The following FARP2 variants were observed in gnomAD, a reference collection of about 807,000 sequenced individuals.
FARP2 encodes the protein FERM, ARH/RhoGEF and pleckstrin domain protein 2, also known as FERM, ARHGEF and pleckstrin domain-containing protein 2.
A neutral mutation model predicts 130.5 loss-of-function variants in FARP2; 111 were observed. The ratio of observed to expected loss-of-function variants is 0.85; its 90% CI spans 0.73 to 1.00. FARP2 has a LOEUF of 1.00. FARP2 is among the 50% of genes least tolerant of loss of function. The pLI, the probability that FARP2 is intolerant of heterozygous loss-of-function variation, is 0.00. For synonymous variants in FARP2, 504 were observed against 516.9 expected, an observed-to-expected ratio of 0.98 and a Z score of 0.34; for missense variants, 1,385 against 1,346.3, an observed-to-expected ratio of 1.03 and a Z score of -0.45.
chr2:241,373,524 C>G (rs1361743943), intron 2 of FARP2, among the ~76,000 whole-genome samples: 1 of 152,214 alleles, frequency 6.6e-6, no homozygotes, highest in Non-Finnish European at 1.5e-5. Flanking sequence ...TACTCATCTT[C>G]TTTCGTGAGA....
At chr2:241,436,985 CAAAAA>C (rs889654312) in intron 12 of FARP2, among the ~76,000 whole-genome samples, 1 of 151,426 alleles carries the variant, frequency 6.6e-6, no homozygotes, top group African/African-American at 2.4e-5. Context: ...GATCCTGTCT[CAAAAA>C]AAAGAGAGAA....
chr2:241,483,424 C>G, intron 19 of FARP2, 41 bp from the exon 20 acceptor site: 1 of 1,560,416 alleles, frequency 6.4e-7, no homozygotes, highest in Middle Eastern at 1.7e-4. Context: ...CCGCCAGCTG[C>G]CCTCAGCCCG....
intron 21 of FARP2, among the ~76,000 whole-genome samples, chr2:241,484,818 C>T (rs1198464331): frequency 1.3e-5 from 2 of 152,210 alleles, no homozygotes; most frequent in African/African-American, 2.4e-5. Flanking sequence ...AATAGAAATA[C>T]TGTTCTCAGG....
At chr2:241,435,416 A>T (rs1484920998) in intron 11 of FARP2, among the ~76,000 whole-genome samples, 2 of 151,252 alleles carry the variant, frequency 1.3e-5, no homozygotes, top group East Asian at 3.9e-4. Flanking sequence ...TATTTTAAAT[A>T]TTAATCTTTA....
At chr2:241,467,895 T>C (rs548898066) in intron 17 of FARP2, among the ~76,000 whole-genome samples, 3 of 152,300 alleles carry the variant, frequency 2.0e-5, no homozygotes, top group Admixed American at 1.3e-4. Flanking sequence ...GCATGTGATA[T>C]GGGGCCGGTT....
chr2:241,434,499 C>T (rs2063169235), intron 10 of FARP2, among the ~76,000 whole-genome samples, 178 bp downstream of exon 10: 1 of 152,044 alleles, frequency 6.6e-6, no homozygotes, highest in African/African-American at 2.4e-5. Context: ...GGAAAAAATA[C>T]GCTTAATAAA....
intron 10 of FARP2, 41 bp downstream of exon 10, chr2:241,434,362 T>C: frequency 1.4e-6 from 2 of 1,463,862 alleles, no homozygotes; most frequent in South Asian, 1.4e-5. Flanking sequence ...CCTCACTGGT[T>C]TGTAAAGCTG....
At chr2:241,410,905 G>T in intron 5 of FARP2, 128 bp from the exon 6 acceptor site, 1 of 642,300 alleles carries the variant, frequency 1.6e-6, no homozygotes, top group Non-Finnish European at 2.8e-6. Flanking sequence ...ACCGCCTTGC[G>T]TTTTGCTCAC....
At chr2:241,441,207 G>A (rs1305025537) in intron 12 of FARP2, 97 bp from the exon 13 acceptor site, 3 of 1,061,220 alleles carry the variant, frequency 2.8e-6, no homozygotes, top group East Asian at 4.9e-5. Flanking sequence ...TGATAGAAAT[G>A]TGTGGATGCC....
intron 13 of FARP2, chr2:241,443,970 C>G (rs2063455008): frequency 6.6e-6 from 1 of 152,272 alleles, no homozygotes; most frequent in South Asian, 2.1e-4. Flanking sequence ...GGGCATCTTG[C>G]AAGGGCTGGT....
At position 241,356,356 on chromosome 2, in the gene FARP2, G is replaced by C. The variant is rs902864541; in HGVS notation, c.-57G>C. The C allele has an allele frequency of 1.3e-5, 2 of 152,272 alleles. No homozygotes were observed. The highest frequency in any genetic ancestry group is 2.0e-4 in the South Asian group (1 of 4,906). 9.4% of individuals were successfully genotyped at this position (152,272 alleles called of 1,614,324 possible). On this transcript the variant is annotated 5_prime_UTR_variant, in exon 1 of 27. Coordinates refer to ENST00000264042, the MANE Select transcript of FARP2 (RefSeq NM_014808.4). ...CGACTGCGGAGGCCGGGCGAGGCCG[G>C]TGAGGACGCGGCGGGCGAGCGAGAG...
intron 24 of FARP2, 44 bp downstream of exon 24, chr2:241,491,723 C>A (rs369649464): frequency 1.3e-6 from 2 of 1,542,394 alleles, no homozygotes; most frequent in Non-Finnish European, 8.8e-7. Context: ...GGAATGTTCC[C>A]AGCTGTCTCT....
intron 21 of FARP2, 89 bp from the exon 22 acceptor site, chr2:241,489,873 A>G: frequency 2.3e-6 from 2 of 860,182 alleles, no homozygotes; most frequent in East Asian, 4.9e-5. Context: ...CCCACCTAGC[A>G]TTGCCAGCAG....
In FARP2 at chr2:241,371,860, AAAC is replaced by A. The variant is rs755711027; in HGVS notation, c.-24-1221_-24-1219del. ...ATAATAGATTATTAATAAATATTAAAAACAAGCTAGTATTATTAATTTTAGCTG... is the reference window on the plus strand; with the variant it reads ...ATAATAGATTATTAATAAATATTAAAAAGCTAGTATTATTAATTTTAGCTG... On this transcript the variant is annotated intron_variant, in intron 1 of 26. Coordinates refer to ENST00000264042, the MANE Select transcript of FARP2 (RefSeq NM_014808.4). Among the ~76,000 whole-genome samples the A allele has an allele frequency of 4.4e-4, 67 of 152,264 alleles. 1 individual carries two copies. The highest frequency in any genetic ancestry group is 7.2e-4 in the Non-Finnish European group (49 of 68,024).
chr2:241,425,010 C>G (rs966374146), intron 8 of FARP2, among the ~76,000 whole-genome samples: 1 of 152,066 alleles, frequency 6.6e-6, no homozygotes, highest in Non-Finnish European at 1.5e-5. Flanking sequence ...GAGTTCAAGA[C>G]CAGCCTGGGG....
chr2:241,469,902 T>G (rs939323019), intron 18 of FARP2, among the ~76,000 whole-genome samples: 3 of 152,240 alleles, frequency 2.0e-5, no homozygotes, highest in African/African-American at 4.8e-5. Context: ...TGAAGCTGTT[T>G]GTGAAAGTGC....
Position 241,459,710 on chromosome 2 carries a change from G to C in FARP2, c.1587+2788G>C, listed in dbSNP as rs1366875676. ...CGTCTCATCCCTGGCCTGCAGCCCA[G>C]CTTGCTGGGGGTCAGGTTTGACATT... is the stretch of plus-strand genomic sequence containing the variant. On this transcript the variant is annotated intron_variant, in intron 14 of 26. Coordinates refer to ENST00000264042, the MANE Select transcript of FARP2 (RefSeq NM_014808.4). The surrounding 1 kb of genome is among the most constrained non-coding windows in gnomAD (Gnocchi z 5.3). 9.2e-5 allele frequency among the ~76,000 whole-genome samples: 14 copies of C among 152,102 alleles called. No homozygotes were observed. Among genetic ancestry groups the C allele is most frequent in the Non-Finnish European group, 1.9e-4 (13 of 68,026 alleles).
chr2:241,466,645 C>T, intron 17 of FARP2: 2 of 980,452 alleles, frequency 2.0e-6, no homozygotes, highest in Non-Finnish European at 2.4e-6. Flanking sequence ...CCACCCCTCA[C>T]CCCCAGGCAG....
intron 21 of FARP2, chr2:241,489,543 T>G (rs910054882): frequency 6.4e-6 from 1 of 156,118 alleles, no homozygotes; most frequent in Non-Finnish European, 1.4e-5. Context: ...TGGTAATATT[T>G]TATTTTGCAA....
Sources: gnomAD v4.1 joint callset for allele counts (sites outside exome capture counted in the v4.1 genomes callset) on GRCh38, gnomAD v4.1.1 for gene constraint, Gnocchi (gnomAD v3.1) non-coding constraint, MANE v1.5 for transcripts, NCBI Gene and HGNC (gene_info 2026-07-23, HGNC 2026-07-21) for gene names.